The following PHOX2B variants were observed in gnomAD, a reference collection of about 807,000 sequenced individuals.
PHOX2B encodes paired mesoderm homeobox protein 2B.
PHOX2B carries 1 observed loss-of-function variant against 15.5 expected under a neutral mutation model. That is an observed-to-expected ratio of 0.06 (90% CI 0.02 to 0.31). The LOEUF is 0.31. Ranked by LOEUF, PHOX2B falls within the 10% of genes least tolerant of loss-of-function variation. PHOX2B has a pLI of 1.00. For synonymous variants in PHOX2B, 206 were observed against 190.5 expected, an observed-to-expected ratio of 1.08 and a Z score of -0.67; for missense variants, 314 against 436.4, an observed-to-expected ratio of 0.72 and a Z score of 2.50.
At chr4:41,747,626 T>G (rs1560466393) in intron 1 of PHOX2B, 90 bp from the exon 2 acceptor site, 2 of 1,080,664 alleles carry the variant, frequency 1.9e-6, no homozygotes, top group Non-Finnish European at 2.8e-6. Context: ...CAAGGTCAGG[T>G]CATACGGCAG....
chr4:41,746,465 G>T (rs1733903720), intron 2 of PHOX2B, 143 bp from the exon 3 acceptor site: 3 of 776,786 alleles, frequency 3.9e-6, no homozygotes, highest in Non-Finnish European at 6.4e-6. Flanking sequence ...ACCCCCGCGC[G>T]CACATCCACC....
chr4:41,746,079 C>T lies in PHOX2B; in HGVS notation c.673G>A (p.Gly225Arg), dbSNP rs112987541. Residue 225 changes from glycine to arginine, a missense_variant, in exon 3 of 3, where the codon GGG becomes AGG. Physicochemically the swap from Gly to Arg is moderately radical, Grantham distance 125. Coordinates refer to ENST00000226382, the MANE Select transcript of PHOX2B (RefSeq NM_003924.4). Reference protein sequence around the residue: ...GGGPSPAGAPGAAGPGGPGGE... With the variant: ...GGGPSPAGAPRAAGPGGPGGE... ...CCCGGGCCCCCGGGCCCCGCCGCCC[C>T]CGGAGCTCCAGCCGGGCTGGGCCCG... 6.7e-7 allele frequency: 1 copy of T among 1,502,296 alleles called. No individual in the cohort carries two copies. The highest frequency in any genetic ancestry group is 8.8e-7 in the Non-Finnish European group (1 of 1,133,182). 93.1% of individuals were successfully genotyped at this position (1,502,296 alleles called of 1,614,324 possible).
chr4:41,747,834 GA>G, intron 1 of PHOX2B: 4 of 587,408 alleles, frequency 6.8e-6, no homozygotes, highest in East Asian at 3.5e-5. Flanking sequence ...AACCAGAGAG[GA>G]AAAAAATCCA....
At chr4:41,748,321 TA>T (rs879410848) in intron 1 of PHOX2B, 48 bp downstream of exon 1, 3 of 1,607,624 alleles carry the variant, frequency 1.9e-6, no homozygotes, top group Non-Finnish European at 2.6e-6. Flanking sequence ...GCTTCCTATA[TA>T]CGGGCGGAAA....
At chr4:41,747,682 G>A in intron 1 of PHOX2B, 146 bp from the exon 2 acceptor site, 1 of 741,316 alleles carries the variant, frequency 1.3e-6, no homozygotes, top group Non-Finnish European at 2.4e-6. Context: ...GAAGCTGCGG[G>A]AAGAAACCGA....
intron 2 of PHOX2B, 100 bp from the exon 3 acceptor site, chr4:41,746,422 G>A: frequency 1.7e-6 from 2 of 1,149,948 alleles, no homozygotes; most frequent in Admixed American, 3.9e-5. Context: ...ACTTCGGCTT[G>A]TTTTAACACC....
Position 41,745,781 on chromosome 4 carries a change from C to A in PHOX2B, c.*26G>T. On this transcript the variant is annotated 3_prime_UTR_variant, in exon 3 of 3. Coordinates refer to ENST00000226382, the MANE Select transcript of PHOX2B (RefSeq NM_003924.4). This position sits in a 1 kb window ranked among gnomAD's most constrained non-coding sequence, Gnocchi z 4.0. ...GCCCTGGCTCGCCCGCTGTCGCCGC[C>A]GCCGCCGCCGCCGCAGGATTCCAGA... 6.3e-7 allele frequency: 1 copy of A among 1,591,494 alleles called. No individual in the cohort carries two copies. The highest frequency in any genetic ancestry group is 8.5e-7 in the Non-Finnish European group (1 of 1,170,286).
In PHOX2B at chr4:41,745,759, C is replaced by T. The variant is rs1338348849; in HGVS notation, c.*48G>A. ...GCTCGCCCACTCGCCCGCCCGGGCC[C>T]TGGCTCGCCCGCTGTCGCCGCCGCC... On this transcript the variant is annotated 3_prime_UTR_variant, in exon 3 of 3. Transcript: ENST00000226382. The surrounding 1 kb of genome is among the most constrained non-coding windows in gnomAD (Gnocchi z 4.0). 3 of 1,574,800 alleles carry T rather than the reference C, an allele frequency of 1.9e-6. No individual in the cohort carries two copies. The highest frequency in any genetic ancestry group is 1.7e-6 in the Non-Finnish European group (2 of 1,162,362).
Position 41,748,710 on chromosome 4 carries a change from G to A in PHOX2B, c.-100C>T. On this transcript the variant is annotated 5_prime_UTR_variant, in exon 1 of 3. Coordinates refer to ENST00000226382, the MANE Select transcript of PHOX2B (RefSeq NM_003924.4). ...GGGAGATGTGCACAGCTCAACGCCT[G>A]CCTCCAAACTGGCCTCCTTACTACC... The A allele has an allele frequency of 8.6e-7, 1 of 1,157,902 alleles. No individual in the cohort carries two copies. The highest frequency in any genetic ancestry group is 1.3e-6 in the Non-Finnish European group (1 of 786,494). The allele number at this position is 1,157,902 out of a possible 1,614,324, so 71.7% of individuals were successfully genotyped here.
rs1171574964 is a variant in PHOX2B, at chr4:41,744,466, T to G, written c.*1341A>C. ...TGCACTGATATTAACACGATACAATTGAGTCACAGAACACAGTTGTAGAAA... is the reference window on the plus strand; with the variant it reads ...TGCACTGATATTAACACGATACAATGGAGTCACAGAACACAGTTGTAGAAA... On this transcript the variant is annotated 3_prime_UTR_variant, in exon 3 of 3. Coordinates refer to ENST00000226382, the MANE Select transcript of PHOX2B (RefSeq NM_003924.4). 8.6e-6 allele frequency: 2 copies of G among 232,422 alleles called. No homozygotes were observed. Among genetic ancestry groups the G allele is most frequent in the Non-Finnish European group, 1.7e-5 (2 of 117,430 alleles). The allele number at this position is 232,422 out of a possible 1,614,324, so 14.4% of individuals were successfully genotyped here.
chr4:41,747,593 G>A (rs546000461), intron 1 of PHOX2B, 57 bp from the exon 2 acceptor site: 11 of 1,472,042 alleles, frequency 7.5e-6, no homozygotes, highest in South Asian at 3.4e-5. Context: ...CTCGCCGGCC[G>A]TGGAGCTAGA....
rs749694204 is a variant in PHOX2B, at chr4:41,745,990, TGCCGCCGCCGCCGCTGCCGCG to T, written c.741_761del (p.Ala254_Ala260del). Reference sequence around the variant, plus strand: ...GGCCTCCAGCTGCCGCCGCTGCCGCTGCCGCCGCCGCCGCTGCCGCGGCCGCCGCCGCTGCTGCTGCGCCGC... The same window carrying T: ...GGCCTCCAGCTGCCGCCGCTGCCGCTGCCGCCGCCGCTGCTGCTGCGCCGC... On this transcript the variant is annotated inframe_deletion, in exon 3 of 3. Transcript: ENST00000226382. The surrounding 1 kb of genome is among the most constrained non-coding windows in gnomAD (Gnocchi z 4.0). The T allele has an allele frequency of 3.5e-4, 437 of 1,235,952 alleles. 8 individuals are homozygous for T. The highest frequency in any genetic ancestry group is 8.7e-4 in the Admixed American group (20 of 22,920). The allele number at this position is 1,235,952 out of a possible 1,614,324, so 76.6% of individuals were successfully genotyped here.
chr4:41,747,826 C>A, intron 1 of PHOX2B: 1 of 605,762 alleles, frequency 1.7e-6, no homozygotes, highest in Non-Finnish European at 3.1e-6. Context: ...CAGGAAAAAA[C>A]CAGAGAGGAA....
chr4:41,744,601 G>T lies in PHOX2B; in HGVS notation c.*1206C>A. The T allele has an allele frequency of 4.3e-6, 1 of 233,624 alleles. No individual in the cohort carries two copies. The highest frequency in any genetic ancestry group is 8.5e-6 in the Non-Finnish European group (1 of 117,986). 14.5% of individuals were successfully genotyped at this position (233,624 alleles called of 1,614,324 possible). A position where few individuals can be genotyped will look rare whatever the true frequency, so the allele number is the denominator to read the frequency against. The stretch of plus-strand genomic sequence containing the variant: ...AACAGAGATGTCTAAACTGCGCGAA[G>T]AATGGAACCCTCAATATACAGTCCA... On this transcript the variant is annotated 3_prime_UTR_variant, in exon 3 of 3. Coordinates refer to ENST00000226382, the MANE Select transcript of PHOX2B (RefSeq NM_003924.4).
rs971984898 is a variant in PHOX2B, at chr4:41,745,445, G to A, written c.*362C>T. 1 of 263,426 alleles carries A rather than the reference G, an allele frequency of 3.8e-6. No homozygotes were observed. Among genetic ancestry groups the A allele is most frequent in the Non-Finnish European group, 7.3e-6 (1 of 137,868 alleles). The allele number at this position is 263,426 out of a possible 1,614,324, so 16.3% of individuals were successfully genotyped here. ...CTTGGGCCACAGACACACATTCCCC[G>A]AGACAGACACAAACTGACACGCAGA... is the stretch of plus-strand genomic sequence containing the variant. On this transcript the variant is annotated 3_prime_UTR_variant, in exon 3 of 3. Transcript: ENST00000226382. This position sits in a 1 kb window ranked among gnomAD's most constrained non-coding sequence, Gnocchi z 4.0.
Position 41,747,309 on chromosome 4 carries a change from C to T in PHOX2B, c.429+40G>A, listed in dbSNP as rs560766845. ...GCCCCTCACCCCACACCTCCCCGGA[C>T]CAGTGCGGCGGAGCGGGGTCGGTTT... On this transcript the variant is annotated intron_variant, in intron 2 of 2. Transcript: ENST00000226382. 27 of 1,555,068 alleles carry T rather than the reference C, an allele frequency of 1.7e-5. No homozygotes were observed. In the South Asian group the frequency reaches 3.0e-4, roughly 17 times the overall value.
intron 1 of PHOX2B, 167 bp from the exon 2 acceptor site, chr4:41,747,703 T>C (rs1432177681): frequency 1.4e-6 from 1 of 713,740 alleles, no homozygotes; most frequent in African/African-American, 1.7e-5. Flanking sequence ...GGAAATTTGT[T>C]ATCTGCGGAA....
In PHOX2B at chr4:41,745,677, T is replaced by C. The variant is rs1733859510; in HGVS notation, c.*130A>G. 50 of 1,178,914 alleles carry C rather than the reference T, an allele frequency of 4.2e-5. No homozygotes were observed. The South Asian group carries it at 7.3e-4, about 17-fold the overall frequency. 73.0% of individuals were successfully genotyped at this position (1,178,914 alleles called of 1,614,324 possible). ...CCCTTTATTCTTAGCGCGATTACTTTAGGCCCTCAATGAAAAAGCCATGGC... is the reference window on the plus strand; with the variant it reads ...CCCTTTATTCTTAGCGCGATTACTTCAGGCCCTCAATGAAAAAGCCATGGC... On this transcript the variant is annotated 3_prime_UTR_variant, in exon 3 of 3. Coordinates refer to ENST00000226382, the MANE Select transcript of PHOX2B (RefSeq NM_003924.4). The surrounding 1 kb of genome is among the most constrained non-coding windows in gnomAD (Gnocchi z 4.0).
In PHOX2B at chr4:41,747,388, C is replaced by T; in HGVS notation, c.390G>A (p.Glu130=). Residue 130 remains glutamate (E), a synonymous_variant, in exon 2 of 3, where the codon GAG becomes GAA. Transcript: ENST00000226382. ...THYPDIYTRE[E]LALKIDLTEA... ...CTGTGAGGTCGATCTTCAGGGCCAG[C>T]TCCTCCCGAGTGTAGATGTCGGGGT... The T allele has an allele frequency of 6.2e-7, 1 of 1,609,646 alleles. No individual in the cohort carries two copies. Among genetic ancestry groups the T allele is most frequent in the Non-Finnish European group, 8.5e-7 (1 of 1,179,946 alleles).
Sources: allele counts gnomAD v4.1 joint callset, GRCh38; gene constraint gnomAD v4.1.1; non-coding constraint Gnocchi (gnomAD v3.1); transcripts MANE v1.5; gene names NCBI Gene and HGNC (gene_info 2026-07-23, HGNC 2026-07-21).